The following IL15 variants were observed in gnomAD, a reference collection of about 807,000 sequenced individuals.
IL15 encodes the protein interleukin 15.
A neutral mutation model predicts 19.6 loss-of-function variants in IL15; 11 were observed. That is an observed-to-expected ratio of 0.56 (90% CI 0.35 to 0.93). IL15 has a LOEUF of 0.93. IL15 is among the 40% of genes least tolerant of loss of function. IL15 has a pLI of 0.01. For missense variants in IL15, 197 were observed against 186.5 expected (o/e 1.06, Z -0.33); for synonymous variants, 58 against 59.6 (o/e 0.97, Z 0.12).
At chr4:141,701,766 C>A (rs1443374302) in intron 2 of IL15, among the ~76,000 whole-genome samples, 1 of 152,060 alleles carries the variant, frequency 6.6e-6, no homozygotes, top group Non-Finnish European at 1.5e-5. Context: ...TGTGAGCTAC[C>A]TCAGTTCCCC....
At chr4:141,722,035 C>A in intron 5 of IL15, 27 bp downstream of exon 5, 1 of 1,552,880 alleles carries the variant, frequency 6.4e-7, no homozygotes, top group Non-Finnish European at 8.8e-7. Flanking sequence ...CCATAAAATG[C>A]CTGGTATAAC....
At chr4:141,694,903 C>T (rs1004960593) in intron 2 of IL15, among the ~76,000 whole-genome samples, 3 of 152,176 alleles carry the variant, frequency 2.0e-5, no homozygotes, top group Admixed American at 2.0e-4. Flanking sequence ...ATCCTTTAGG[C>T]TTCCATTTCA....
At chr4:141,724,237 A>C (rs1453997954) in intron 5 of IL15, among the ~76,000 whole-genome samples, 1 of 152,132 alleles carries the variant, frequency 6.6e-6, no homozygotes, top group Non-Finnish European at 1.5e-5. Flanking sequence ...CAAAGAGTAA[A>C]TCTCAAAGGA....
At chr4:141,659,620 G>A (rs994532300) in intron 2 of IL15, among the ~76,000 whole-genome samples, 82 of 152,148 alleles carry the variant, frequency 5.4e-4, no homozygotes, top group African/African-American at 1.9e-3. Flanking sequence ...ATAGCAATGT[G>A]GTTGTGAAGT....
chr4:141,725,947 G>A (rs1361514242), intron 5 of IL15, among the ~76,000 whole-genome samples: 1 of 152,140 alleles, frequency 6.6e-6, no homozygotes, highest in East Asian at 1.9e-4. Flanking sequence ...GAGTCCAGAG[G>A]TGACAAAAAG....
chr4:141,723,240 C>T (rs1007791358), intron 5 of IL15, among the ~76,000 whole-genome samples: 1 of 152,056 alleles, frequency 6.6e-6, no homozygotes, highest in Admixed American at 6.6e-5. Flanking sequence ...CCTCTTGGAA[C>T]CTTAAAATGT....
chr4:141,727,968 C>A lies in IL15; in HGVS notation c.224C>A (p.Thr75Lys). ...ATGCATATTGATGCTACTTTATATA[C>A]GGAAAGTGATGTTCACGTGAGTATA... ...QSMHIDATLY[T>K]ESDVHPSCKV... The change falls in exon 6 of 8, where the codon ACG becomes AAG. Residue 75 changes from threonine (T) to lysine (K), a missense_variant. By Grantham distance (78) the Thr-to-Lys change is moderately conservative. Coordinates refer to ENST00000320650, the MANE Select transcript of IL15 (RefSeq NM_000585.5). 1.5e-6 allele frequency: 2 copies of A among 1,366,356 alleles called. No individual in the cohort carries two copies. Among genetic ancestry groups the A allele is most frequent in the Non-Finnish European group, 2.1e-6 (2 of 974,862 alleles). The allele number at this position is 1,366,356 out of a possible 1,614,324, so 84.6% of individuals were successfully genotyped here.
At chr4:141,717,666 T>A (rs925443781) in intron 2 of IL15, 2 of 152,296 alleles carry the variant, frequency 1.3e-5, no homozygotes, top group Non-Finnish European at 2.9e-5. Flanking sequence ...ATACTTCTTT[T>A]TTTTTTTTTT....
At chr4:141,649,328 T>G (rs1408742459) in intron 1 of IL15, among the ~76,000 whole-genome samples, 1 of 152,094 alleles carries the variant, frequency 6.6e-6, no homozygotes, top group African/African-American at 2.4e-5. Context: ...CGTTAACATA[T>G]GTAGCATTCT....
intron 2 of IL15, among the ~76,000 whole-genome samples, chr4:141,699,957 C>T (rs980146569): frequency 2.6e-5 from 4 of 152,046 alleles, no homozygotes; most frequent in Non-Finnish European, 4.4e-5. Flanking sequence ...ACCCTCTTGT[C>T]GCACAGGCTG....
intron 2 of IL15, among the ~76,000 whole-genome samples, chr4:141,700,732 A>G (rs567876594): frequency 6.6e-6 from 1 of 152,308 alleles, no homozygotes; most frequent in African/African-American, 2.4e-5. Flanking sequence ...AAACTTTTAT[A>G]CTTCTGTTCT....
intron 1 of IL15, among the ~76,000 whole-genome samples, chr4:141,645,720 C>T (rs1314091517): frequency 2.6e-5 from 4 of 152,046 alleles, no homozygotes; most frequent in Non-Finnish European, 5.9e-5. Flanking sequence ...AATGACTTGT[C>T]TCTACACTGC....
In IL15 at chr4:141,638,599, T is replaced by G. The variant is rs995951357; in HGVS notation, c.-222+1851T>G. On this transcript the variant is annotated intron_variant, in intron 1 of 7. Coordinates refer to ENST00000320650, the MANE Select transcript of IL15 (RefSeq NM_000585.5). ...CTTTTGTTTTAATCCATGAAATTAA[T>G]GTAGCCAATGTCAACAGCTATATTG... is the stretch of plus-strand genomic sequence containing the variant. 3.9e-5 allele frequency among the ~76,000 whole-genome samples: 6 copies of G among 152,244 alleles called. No individual in the cohort carries two copies. In the South Asian group the frequency reaches 8.3e-4, roughly 21 times the overall value.
At chr4:141,717,700 GC>G (rs1214912212) in intron 2 of IL15, 2 of 142,338 alleles carry the variant, frequency 1.4e-5, no homozygotes, top group African/African-American at 5.2e-5. Context: ...CACTTTTGTT[GC>G]CCAGGCTGTA....
At chr4:141,640,516 T>TG (rs1380424397) in intron 1 of IL15, among the ~76,000 whole-genome samples, 1 of 152,186 alleles carries the variant, frequency 6.6e-6, no homozygotes, top group African/African-American at 2.4e-5. Context: ...GGTCACCATT[T>TG]GGGGTGATTT....
chr4:141,680,932 TG>T (rs1318968323), intron 2 of IL15, among the ~76,000 whole-genome samples: 5 of 152,244 alleles, frequency 3.3e-5, no homozygotes, highest in African/African-American at 1.2e-4. Context: ...TGGAGAGATT[TG>T]TATTGCAATG....
chr4:141,644,204 C>T (rs185015313), intron 1 of IL15, among the ~76,000 whole-genome samples: 3 of 152,016 alleles, frequency 2.0e-5, no homozygotes, highest in Non-Finnish European at 4.4e-5. Flanking sequence ...CCCTTATCTC[C>T]ACTCCAGCCT....
At position 141,686,587 on chromosome 4, in the gene IL15, C is replaced by T. The variant is rs146188313; in HGVS notation, c.-100+30280C>T. Among the ~76,000 whole-genome samples the T allele has an allele frequency of 8.0e-4, 122 of 152,204 alleles. 1 individual carries two copies. Among genetic ancestry groups the T allele is most frequent in the African/African-American group, 2.5e-3 (105 of 41,518 alleles). ...TGGTAATGACAGTGCCTACCTCATA[C>T]GGTTATTGTGAGCGTCAAATTTAGT... On this transcript the variant is annotated intron_variant, in intron 2 of 7. Transcript: ENST00000320650.
intron 2 of IL15, among the ~76,000 whole-genome samples, chr4:141,710,135 T>A (rs1487296754): frequency 1.3e-5 from 2 of 152,216 alleles, no homozygotes; most frequent in South Asian, 2.1e-4. Context: ...TACCACATTT[T>A]AAAAAATTCA....
Sources: allele counts gnomAD v4.1 joint callset (sites outside exome capture counted in the v4.1 genomes callset), GRCh38; gene constraint gnomAD v4.1.1; transcripts MANE v1.5; gene names NCBI Gene and HGNC (gene_info 2026-07-23, HGNC 2026-07-21).